Variants in ITPR2 observed in about 807,000 individuals in gnomAD.
ITPR2 encodes inositol 1,4,5-trisphosphate receptor type 2.
In ITPR2, 207 loss-of-function variants were observed where a neutral mutation model predicts 317.1. The observed-to-expected ratio is 0.65, with a 90% CI of 0.58 to 0.73. The LOEUF is 0.73. Among genes scored for constraint, ITPR2 ranks in the 30% least tolerant of loss-of-function variants. The probability of loss-of-function intolerance (pLI) is 0.00; values close to 1 mark genes in which losing one functional copy is unlikely to be tolerated. For missense variants in ITPR2, 2,613 were observed against 3,284.0 expected (o/e 0.80, Z 4.99); for synonymous variants, 1,156 against 1,149.1 (o/e 1.01, Z -0.12).
intron 2 of ITPR2, among the ~76,000 whole-genome samples, chr12:26,762,422 T>C (rs112119252): frequency 0.012 from 1,873 of 152,202 alleles, 33 homozygotes; most frequent in African/African-American, 0.042. Context: ...CAGGAGACAG[T>C]GGGATGACAT....
chr12:26,514,855 G>C (rs765776626), intron 37 of ITPR2, among the ~76,000 whole-genome samples: 1 of 152,158 alleles, frequency 6.6e-6, no homozygotes, highest in Non-Finnish European at 1.5e-5. Flanking sequence ...ATTAAAATTT[G>C]TATTGTAGCT....
chr12:26,791,701 T>C (rs1950344158), intron 1 of ITPR2, among the ~76,000 whole-genome samples: 1 of 152,264 alleles, frequency 6.6e-6, no homozygotes, highest in African/African-American at 2.4e-5. Context: ...TAGAAACTGA[T>C]TTATTAGAAA....
At chr12:26,800,667 G>A (rs965119217) in intron 1 of ITPR2, among the ~76,000 whole-genome samples, 1 of 152,174 alleles carries the variant, frequency 6.6e-6, no homozygotes, top group Non-Finnish European at 1.5e-5. Flanking sequence ...GAATAAGTAA[G>A]TGGACTGAAG....
At chr12:26,595,937 A>G (rs1945832000) in intron 31 of ITPR2, among the ~76,000 whole-genome samples, 2 of 151,736 alleles carry the variant, frequency 1.3e-5, no homozygotes, top group African/African-American at 4.8e-5. Flanking sequence ...CTCCCCTCCA[A>G]TCCCCTCCCA....
chr12:26,658,863 C>T (rs1218007720), intron 16 of ITPR2, among the ~76,000 whole-genome samples: 2 of 152,068 alleles, frequency 1.3e-5, no homozygotes, highest in Non-Finnish European at 2.9e-5. Flanking sequence ...TTTTGAGAAA[C>T]CATAAAGTTC....
At chr12:26,649,616 A>G (rs1007938) in intron 21 of ITPR2, 52,262 of 152,062 alleles carry the variant, frequency 0.34, 9,432 homozygotes, top group Non-Finnish European at 0.41. Flanking sequence ...TCAGCAGTCA[A>G]CATGATCAGA....
chr12:26,416,958 C>T (rs1383597766), intron 50 of ITPR2, among the ~76,000 whole-genome samples: 6 of 152,070 alleles, frequency 3.9e-5, no homozygotes, highest in Non-Finnish European at 8.8e-5. Flanking sequence ...TGCCTGGGTT[C>T]CGTTCTAGGC....
In ITPR2 at chr12:26,790,617, A is replaced by ACACACT. The variant is rs1555192765; in HGVS notation, c.93-391_93-390insAGTGTG. Among the ~76,000 whole-genome samples the ACACACT allele has an allele frequency of 1.1e-3, 172 of 150,870 alleles. 2 individuals are homozygous for ACACACT. In the East Asian group the frequency reaches 0.028, roughly 25 times the overall value. ...CACACACACACACACACACACACAC[A>ACACACT]CTTCTACACATACATATATAAGGAA... is the stretch of plus-strand genomic sequence containing the variant. On this transcript the variant is annotated intron_variant, in intron 1 of 56. Transcript: ENST00000381340.
intron 42 of ITPR2, among the ~76,000 whole-genome samples, chr12:26,482,995 G>A (rs1942580691): frequency 6.6e-6 from 1 of 152,146 alleles, no homozygotes; most frequent in African/African-American, 2.4e-5. Flanking sequence ...CTGAGAGGAG[G>A]TGAAACAGTC....
chr12:26,734,955 A>C (rs542822895), intron 2 of ITPR2, among the ~76,000 whole-genome samples: 3 of 152,090 alleles, frequency 2.0e-5, no homozygotes, highest in East Asian at 3.9e-4. Context: ...ACTCCAGAGC[A>C]AAGTTTAACA....
At chr12:26,575,494 C>T (rs565094007) in intron 34 of ITPR2, among the ~76,000 whole-genome samples, 12 of 151,846 alleles carry the variant, frequency 7.9e-5, no homozygotes, top group African/African-American at 2.7e-4. Flanking sequence ...TGGAAGGGAC[C>T]AACAAGGAAA....
intron 45 of ITPR2, among the ~76,000 whole-genome samples, chr12:26,461,540 C>T (rs919593681): frequency 6.6e-6 from 1 of 150,716 alleles, no homozygotes; most frequent in Middle Eastern, 3.4e-3. Context: ...CTATGTAGTA[C>T]TTTGCAAATC....
At chr12:26,480,987 A>C in intron 43 of ITPR2, 144 bp downstream of exon 43, 1 of 436,178 alleles carries the variant, frequency 2.3e-6, no homozygotes, top group South Asian at 6.4e-5. Flanking sequence ...TTGCATCTGG[A>C]GTTTAGTAAG....
At chr12:26,638,199 CAA>C (rs1356932286) in intron 21 of ITPR2, among the ~76,000 whole-genome samples, 1 of 152,154 alleles carries the variant, frequency 6.6e-6, no homozygotes, top group Non-Finnish European at 1.5e-5. Flanking sequence ...CAAATATTGA[CAA>C]AGTCATTTCA....
intron 48 of ITPR2, among the ~76,000 whole-genome samples, chr12:26,429,102 C>T (rs904144750): frequency 6.6e-6 from 1 of 152,136 alleles, no homozygotes; most frequent in Non-Finnish European, 1.5e-5. Context: ...TCATCAAAAC[C>T]CTGGGATTAT....
At chr12:26,389,761 C>T (rs932041459) in intron 54 of ITPR2, among the ~76,000 whole-genome samples, 2 of 151,804 alleles carry the variant, frequency 1.3e-5, no homozygotes, top group African/African-American at 2.4e-5. Flanking sequence ...ATAGCCAAAT[C>T]GAAGTTATTA....
intron 2 of ITPR2, among the ~76,000 whole-genome samples, chr12:26,743,386 T>G (rs899060962): frequency 3.9e-5 from 6 of 152,146 alleles, no homozygotes; most frequent in Non-Finnish European, 8.8e-5. Context: ...ATATAAAAAT[T>G]TATCAAGCTT....
intron 2 of ITPR2, among the ~76,000 whole-genome samples, chr12:26,746,191 AACACAC>A (rs71437307): frequency 2.7e-5 from 4 of 150,338 alleles, no homozygotes; most frequent in African/African-American, 9.8e-5. Context: ...GTATTCCTAC[AACACAC>A]ACACACACAC....
Position 26,647,613 on chromosome 12 carries a change from A to T in ITPR2, c.2740+6363T>A, listed in dbSNP as rs184299463. 1.5e-3 allele frequency among the ~76,000 whole-genome samples: 235 copies of T among 152,368 alleles called. 1 individual carries two copies. Among genetic ancestry groups the T allele is most frequent in the African/African-American group, 5.4e-3 (224 of 41,586 alleles). The stretch of plus-strand genomic sequence containing the variant: ...GACAAAGAAGAACATGGCTTGCCAT[A>T]ATCCTTCTACTCAAAAGATCAATTA... On this transcript the variant is annotated intron_variant, in intron 21 of 56. Coordinates refer to ENST00000381340, the MANE Select transcript of ITPR2 (RefSeq NM_002223.4).
Sources: allele counts gnomAD v4.1 joint callset (sites outside exome capture counted in the v4.1 genomes callset), GRCh38; gene constraint gnomAD v4.1.1; transcripts MANE v1.5; gene names NCBI Gene and HGNC (gene_info 2026-07-23, HGNC 2026-07-21).